The following PIK3C2A variants were observed in gnomAD, a reference collection of about 807,000 sequenced individuals.
PIK3C2A encodes the protein phosphatidylinositol-4-phosphate 3-kinase catalytic subunit type 2 alpha, also known as phosphatidylinositol 4-phosphate 3-kinase C2 domain-containing subunit alpha.
Under a neutral mutation model 204.5 loss-of-function variants are expected in PIK3C2A, and 97 were observed. The ratio of observed to expected loss-of-function variants is 0.47; its 90% CI spans 0.40 to 0.56. The LOEUF is 0.56. Among genes scored for constraint, PIK3C2A ranks in the 20% least tolerant of loss-of-function variants. The pLI is 0.00. For synonymous variants in PIK3C2A, 653 were observed against 664.4 expected (o/e 0.98, Z 0.26); for missense variants, 1,735 against 1,969.2 (o/e 0.88, Z 2.25).
chr11:17,122,888 T>C (rs1849408693), intron 13 of PIK3C2A, 75 bp from the exon 14 acceptor site: 5 of 662,802 alleles, frequency 7.5e-6, no homozygotes, highest in Non-Finnish European at 1.1e-5. Flanking sequence ...ATGTAATGAA[T>C]TTGAAAAGTT....
At chr11:17,126,176 C>A (rs987169026) in intron 13 of PIK3C2A, among the ~76,000 whole-genome samples, 1 of 152,028 alleles carries the variant, frequency 6.6e-6, no homozygotes, top group African/African-American at 2.4e-5. Flanking sequence ...TATTTAGTAA[C>A]CCTCAGAAAT....
chr11:17,143,098 G>A (rs901082457), intron 8 of PIK3C2A, among the ~76,000 whole-genome samples: 1 of 151,756 alleles, frequency 6.6e-6, no homozygotes, highest in African/African-American at 2.4e-5. Context: ...CACTCCATAC[G>A]AAACTCCAGA....
At chr11:17,169,952 G>A (rs769927907) in intron 1 of PIK3C2A, 146 bp from the exon 2 acceptor site, 1 of 532,466 alleles carries the variant, frequency 1.9e-6, no homozygotes, top group South Asian at 2.8e-5. Flanking sequence ...TAAAATCTGG[G>A]TGAAGGAACA....
chr11:17,098,438 T>C (rs1027777490), intron 26 of PIK3C2A, among the ~76,000 whole-genome samples: 3 of 152,204 alleles, frequency 2.0e-5, no homozygotes, highest in Non-Finnish European at 4.4e-5. Context: ...TCAACAGTAA[T>C]GTAATTGGCT....
chr11:17,122,722 T>G lies in PIK3C2A; in HGVS notation c.2491A>C (p.Met831Leu). ...ATTACCTGTAGCACTATTCTTTCCA[T>G]GACATATCCTTTTTTGGTAACTGTT... is the stretch of plus-strand genomic sequence containing the variant. The part of the protein sequence containing the change: ...PGTVTKKGYV[M>L]ERIVLQVDFP... Residue 831 changes from methionine (M) to leucine (L), a missense_variant, in exon 14 of 33, where the codon ATG (methionine) becomes CTG (leucine). Physicochemically the swap from Met to Leu is conservative, Grantham distance 15. Around this residue, in one of 6 missense-constraint regions of PIK3C2A, gnomAD observed 567 missense variants for 576.0 expected, o/e 0.98. Coordinates refer to ENST00000691414, the MANE Select transcript of PIK3C2A (RefSeq NM_002645.4). The G allele has an allele frequency of 9.5e-6, 14 of 1,472,506 alleles. No individual in the cohort carries two copies. The highest frequency in any genetic ancestry group is 1.4e-5 in the African/African-American group (1 of 72,224). The allele number at this position is 1,472,506 out of a possible 1,614,324, so 91.2% of individuals were successfully genotyped here. A position where few individuals can be genotyped will look rare whatever the true frequency, so the allele number is the denominator to read the frequency against.
intron 12 of PIK3C2A, among the ~76,000 whole-genome samples, chr11:17,131,400 A>C (rs1849688838): frequency 6.7e-6 from 1 of 149,412 alleles, no homozygotes; most frequent in African/African-American, 2.5e-5. Flanking sequence ...CATAATATAA[A>C]GGCTTAAAAG....
intron 1 of PIK3C2A, among the ~76,000 whole-genome samples, chr11:17,176,627 C>T (rs1025939919): frequency 1.3e-5 from 2 of 151,728 alleles, no homozygotes; most frequent in African/African-American, 4.8e-5. Flanking sequence ...CTATCTCTAC[C>T]AAAAAAGAGT....
chr11:17,176,445 T>C (rs573486907), intron 1 of PIK3C2A, among the ~76,000 whole-genome samples: 1 of 141,258 alleles, frequency 7.1e-6, no homozygotes, highest in African/African-American at 2.5e-5. Context: ...CCAGACCCTA[T>C]CTCTGTAAAT....
At chr11:17,110,021 C>T (rs1476675415) in intron 22 of PIK3C2A, among the ~76,000 whole-genome samples, 3 of 152,034 alleles carry the variant, frequency 2.0e-5, no homozygotes, top group Admixed American at 6.6e-5. Flanking sequence ...GATGCAATCT[C>T]GGCTCACTGC....
chr11:17,126,390 CA>C (rs955158685), intron 13 of PIK3C2A, among the ~76,000 whole-genome samples: 1 of 149,984 alleles, frequency 6.7e-6, no homozygotes, highest in Non-Finnish European at 1.5e-5. Flanking sequence ...TCCATCTCTA[CA>C]AAAAAAAAGT....
intron 12 of PIK3C2A, among the ~76,000 whole-genome samples, 178 bp from the exon 13 acceptor site, chr11:17,129,645 G>A (rs1849634571): frequency 6.6e-6 from 1 of 152,206 alleles, no homozygotes; most frequent in Non-Finnish European, 1.5e-5. Flanking sequence ...AGGCTGGAGT[G>A]CAATGGCACG....
intron 1 of PIK3C2A, among the ~76,000 whole-genome samples, chr11:17,199,120 A>AG (rs1427983289): frequency 7.0e-6 from 1 of 142,446 alleles, no homozygotes; most frequent in Admixed American, 6.9e-5. Flanking sequence ...CACCGTCTCA[A>AG]GAAAAAAAAA....
chr11:17,129,373 G>T lies in PIK3C2A; in HGVS notation c.2326C>A (p.Pro776Thr). ...GILNQSSGSSPDSNKQRKGPE... is the reference protein window; with the variant it reads ...GILNQSSGSSTDSNKQRKGPE... ...CCCTTTCTCTGCTTATTAGAATCAG[G>T]GGAACTTCCACTGCTCTGATTTAAA... is the stretch of plus-strand genomic sequence containing the variant. Residue 776 changes from proline to threonine, a missense_variant, in exon 13 of 33, where the codon CCT becomes ACT. Coordinates refer to ENST00000691414, the MANE Select transcript of PIK3C2A (RefSeq NM_002645.4). 6.2e-7 allele frequency: 1 copy of T among 1,611,930 alleles called. No homozygotes were observed. Among genetic ancestry groups the T allele is most frequent in the Non-Finnish European group, 8.5e-7 (1 of 1,178,094 alleles).
chr11:17,167,171 T>C (rs1850988958), intron 2 of PIK3C2A, among the ~76,000 whole-genome samples: 1 of 152,062 alleles, frequency 6.6e-6, no homozygotes, highest in Non-Finnish European at 1.5e-5. Context: ...CAGGTTCTCA[T>C]TATGTTGCCC....
intron 2 of PIK3C2A, among the ~76,000 whole-genome samples, chr11:17,167,615 T>C (rs182294917): frequency 6.6e-6 from 1 of 152,176 alleles, no homozygotes; most frequent in East Asian, 1.9e-4. Context: ...GAGCAAAACT[T>C]CATCTCAAAA....
At chr11:17,151,731 G>A (rs1396500347) in intron 3 of PIK3C2A, among the ~76,000 whole-genome samples, 3 of 152,098 alleles carry the variant, frequency 2.0e-5, no homozygotes, top group Admixed American at 6.5e-5. Context: ...TTTATAAAGC[G>A]TTTAGAACAG....
intron 1 of PIK3C2A, among the ~76,000 whole-genome samples, chr11:17,174,861 T>C (rs758070462): frequency 1.1e-4 from 16 of 151,754 alleles, no homozygotes; most frequent in Non-Finnish European, 1.9e-4. Flanking sequence ...AAGGTCACCA[T>C]TGCACTCCAG....
At chr11:17,143,216 A>G (rs1209837632) in intron 8 of PIK3C2A, among the ~76,000 whole-genome samples, 1 of 152,150 alleles carries the variant, frequency 6.6e-6, no homozygotes, top group Non-Finnish European at 1.5e-5. Flanking sequence ...AAGCCATCCT[A>G]CACTCATACT....
chr11:17,113,747 A>G (rs1029537480), intron 20 of PIK3C2A, among the ~76,000 whole-genome samples: 2 of 146,396 alleles, frequency 1.4e-5, no homozygotes, highest in Non-Finnish European at 3.0e-5. Context: ...GCACCATTGC[A>G]TTCCAGCCTG....
Sources: allele counts gnomAD v4.1 joint callset (sites outside exome capture counted in the v4.1 genomes callset), GRCh38; gene constraint gnomAD v4.1.1; regional missense constraint gnomAD v4.1.1; transcripts MANE v1.5; gene names NCBI Gene and HGNC (gene_info 2026-07-23, HGNC 2026-07-21).